TMC1: variants seen among roughly 807,000 people sequenced by gnomAD.
TMC1 encodes transmembrane channel like 1.
In TMC1, 84 loss-of-function variants were observed where a neutral mutation model predicts 105.8. The observed-to-expected ratio is 0.79, with a 90% CI of 0.67 to 0.95. The LOEUF is 0.95. TMC1 is among the 40% of genes least tolerant of loss of function. The pLI, the probability that TMC1 is intolerant of heterozygous loss-of-function variation, is 0.00. For synonymous variants in TMC1, 315 were observed against 311.5 expected (o/e 1.01, Z -0.12); for missense variants, 817 against 914.1 (o/e 0.89, Z 1.37).
intron 20 of TMC1, among the ~76,000 whole-genome samples, chr9:72,825,558 G>A: frequency 6.6e-6 from 1 of 152,196 alleles, no homozygotes; most frequent in East Asian, 1.9e-4. Context: ...AGGCCTTTGT[G>A]TGTAGGGATA....
intron 2 of TMC1, among the ~76,000 whole-genome samples, chr9:72,601,043 G>C (rs1447038115): frequency 6.6e-6 from 1 of 152,150 alleles, no homozygotes; most frequent in African/African-American, 2.4e-5. Flanking sequence ...TATCCAAAAT[G>C]CTTGGGGCAA....
chr9:72,553,348 GTTA>G (rs1258080700), intron 1 of TMC1, among the ~76,000 whole-genome samples: 3 of 151,944 alleles, frequency 2.0e-5, no homozygotes, highest in Non-Finnish European at 4.4e-5. Context: ...TTTCCATGTT[GTTA>G]TTATTATTAT....
At position 72,689,318 on chromosome 9, in the gene TMC1, T is replaced by A. The variant is rs931097379; in HGVS notation, c.64+562T>A. On this transcript the variant is annotated intron_variant, in intron 6 of 23. Transcript: ENST00000297784. ...CTACACTCAAACAAGGTAGGTCGGA[T>A]GATTTCTTGATGACCAGTTTTTACA... Among the ~76,000 whole-genome samples, 4 of 152,228 alleles carry A rather than the reference T, an allele frequency of 2.6e-5. No homozygotes were observed. The East Asian group carries it at 7.7e-4, about 29-fold the overall frequency.
intron 2 of TMC1, among the ~76,000 whole-genome samples, chr9:72,583,277 A>G (rs1396885516): frequency 1.3e-5 from 2 of 152,132 alleles, no homozygotes; most frequent in African/African-American, 2.4e-5. Context: ...AGAAAACCCC[A>G]AATAAACAGA....
Position 72,821,044 on chromosome 9 carries a change from G to A in TMC1, c.1966G>A (p.Val656Met), listed in dbSNP as rs144147585. 4.5e-5 allele frequency: 73 copies of A among 1,613,984 alleles called. No individual in the cohort carries two copies. Among genetic ancestry groups the A allele is most frequent in the Middle Eastern group, 1.6e-4 (1 of 6,084 alleles). ...CACAATGCCTGTCTTGTACATGATCGTGTCCCTCCCACCATCTTTTGATTG... is the reference window on the plus strand; with the variant it reads ...CACAATGCCTGTCTTGTACATGATCATGTCCCTCCCACCATCTTTTGATTG... The part of the protein sequence containing the change: ...LSTMPVLYMI[V>M]SLPPSFDCGP... The change falls in exon 20 of 24, where the codon GTG (valine) becomes ATG (methionine). Residue 656 changes from valine to methionine, a missense_variant. Coordinates refer to ENST00000297784, the MANE Select transcript of TMC1 (RefSeq NM_138691.3).
At chr9:72,613,510 C>A (rs1284305676) in intron 2 of TMC1, among the ~76,000 whole-genome samples, 1 of 152,002 alleles carries the variant, frequency 6.6e-6, no homozygotes, top group Admixed American at 6.6e-5. Context: ...CTTTTTGCCC[C>A]CTGATTATCT....
At chr9:72,685,327 C>T (rs1188952236) in intron 5 of TMC1, among the ~76,000 whole-genome samples, 3 of 147,408 alleles carry the variant, frequency 2.0e-5, no homozygotes, top group South Asian at 2.2e-4. Flanking sequence ...AGGATGGTCT[C>T]GATCTCCTGA....
chr9:72,528,955 AT>A lies in TMC1; in HGVS notation c.-428+7052del, dbSNP rs915599633. Reference sequence around the variant, plus strand: ...ATGTGTCTGTATTGAACATGTATAGATTTTTTTTTTGTATATTTCCTAAACT... The same window carrying A: ...ATGTGTCTGTATTGAACATGTATAGATTTTTTTTTGTATATTTCCTAAACT... On this transcript the variant is annotated intron_variant, in intron 1 of 23. Transcript: ENST00000297784. 3.7e-3 allele frequency among the ~76,000 whole-genome samples: 552 copies of A among 149,994 alleles called. 2 individuals are homozygous for A. Among genetic ancestry groups the A allele is most frequent in the Non-Finnish European group, 4.6e-3 (307 of 67,394 alleles).
intron 23 of TMC1, among the ~76,000 whole-genome samples, chr9:72,833,842 G>T (rs1829078667): frequency 6.6e-6 from 1 of 152,054 alleles, no homozygotes; most frequent in Admixed American, 6.6e-5. Flanking sequence ...TTGTATTTTT[G>T]ATTATCTGTT....
Position 72,554,933 on chromosome 9 carries a change from C to T in TMC1, c.-427-22969C>T, listed in dbSNP as rs114651500. 9.5e-3 allele frequency among the ~76,000 whole-genome samples: 1,444 copies of T among 152,148 alleles called. 27 individuals are homozygous for T. Among genetic ancestry groups the T allele is most frequent in the African/African-American group, 0.033 (1,370 of 41,502 alleles). ...TCACTCTGCTGCCCAGGCCAAAGTG[C>T]GATGGCACAATCTCAGCTCACTGCA... On this transcript the variant is annotated intron_variant, in intron 1 of 23. Transcript: ENST00000297784.
chr9:72,833,719 A>G (rs1001212542), intron 23 of TMC1, among the ~76,000 whole-genome samples: 7 of 152,228 alleles, frequency 4.6e-5, no homozygotes, highest in African/African-American at 7.2e-5. Flanking sequence ...TTATATTAGA[A>G]ATAATATCCC....
chr9:72,566,823 G>A (rs766770891), intron 1 of TMC1, among the ~76,000 whole-genome samples: 3 of 152,202 alleles, frequency 2.0e-5, no homozygotes, highest in Middle Eastern at 3.4e-3. Context: ...CCTTCTCCCC[G>A]CTTTCCTGGG....
intron 10 of TMC1, among the ~76,000 whole-genome samples, chr9:72,749,087 G>A (rs1002399985): frequency 1.3e-5 from 2 of 152,208 alleles, no homozygotes; most frequent in Non-Finnish European, 2.9e-5. Context: ...AAGCATGTTG[G>A]AGGAGGGGAT....
intron 3 of TMC1, among the ~76,000 whole-genome samples, chr9:72,617,348 G>C (rs1291664615): frequency 6.6e-6 from 1 of 152,006 alleles, no homozygotes. Context: ...ATTTTTAGTA[G>C]AGACGGGGTT....
At chr9:72,803,581 C>A (rs1319946237) in intron 17 of TMC1, among the ~76,000 whole-genome samples, 1 of 152,160 alleles carries the variant, frequency 6.6e-6, no homozygotes, top group Non-Finnish European at 1.5e-5. Context: ...AGGACATGAA[C>A]AGACACTTCT....
At chr9:72,757,572 A>G (rs1827693193) in intron 12 of TMC1, among the ~76,000 whole-genome samples, 1 of 152,198 alleles carries the variant, frequency 6.6e-6, no homozygotes, top group African/African-American at 2.4e-5. Flanking sequence ...TGAAGTCTAA[A>G]CACAACATTC....
At chr9:72,720,715 T>C (rs1827007825) in intron 8 of TMC1, among the ~76,000 whole-genome samples, 1 of 152,202 alleles carries the variant, frequency 6.6e-6, no homozygotes, top group African/African-American at 2.4e-5. Flanking sequence ...ATGACACCAA[T>C]GGCTGGTCAA....
chr9:72,629,272 C>T (rs1220776179), intron 4 of TMC1, among the ~76,000 whole-genome samples: 1 of 152,116 alleles, frequency 6.6e-6, no homozygotes, highest in Non-Finnish European at 1.5e-5. Context: ...TCTGAAGCTG[C>T]CCCTCAAAGT....
intron 15 of TMC1, among the ~76,000 whole-genome samples, 194 bp from the exon 16 acceptor site, chr9:72,791,692 C>T (rs1828269231): frequency 1.3e-5 from 2 of 152,166 alleles, no homozygotes; most frequent in African/African-American, 4.8e-5. Context: ...AGTCACATGC[C>T]TCTCTTGAGA....
Sources: allele counts gnomAD v4.1 joint callset (sites outside exome capture counted in the v4.1 genomes callset), GRCh38; gene constraint gnomAD v4.1.1; transcripts MANE v1.5; gene names NCBI Gene and HGNC (gene_info 2026-07-23, HGNC 2026-07-21).